CAMKMT: variants seen among roughly 807,000 people sequenced by gnomAD.
The protein encoded by CAMKMT is CaM KMT.
CAMKMT carries 53 observed loss-of-function variants against 48.0 expected under a neutral mutation model. That is an observed-to-expected ratio of 1.10 (90% CI 0.89 to 1.39). CAMKMT has a LOEUF of 1.39. Among genes scored for constraint, CAMKMT ranks in the 40% most tolerant of loss-of-function variants. The pLI is 0.00. For synonymous variants in CAMKMT, 165 were observed against 152.3 expected, an observed-to-expected ratio of 1.08 and a Z score of -0.61; for missense variants, 428 against 402.7, an observed-to-expected ratio of 1.06 and a Z score of -0.54.
chr2:44,690,700 G>A (rs972691885), intron 3 of CAMKMT, among the ~76,000 whole-genome samples: 2 of 152,196 alleles, frequency 1.3e-5, no homozygotes, highest in African/African-American at 4.8e-5. Context: ...TAATAGCTGG[G>A]TGTGGTGGCT....
chr2:44,759,889 A>T (rs1212138389), intron 9 of CAMKMT, among the ~76,000 whole-genome samples: 1 of 152,256 alleles, frequency 6.6e-6, no homozygotes, highest in Non-Finnish European at 1.5e-5. Flanking sequence ...AGGTAGAACT[A>T]TAGCAGACAA....
At chr2:44,395,042 A>C (rs1480079428) in intron 3 of CAMKMT, 1 of 443,762 alleles carries the variant, frequency 2.3e-6, no homozygotes, top group Non-Finnish European at 4.5e-6. Context: ...CTAGAGGAAA[A>C]AAAATTATAT....
intron 3 of CAMKMT, among the ~76,000 whole-genome samples, chr2:44,622,238 T>TA (rs1672238366): frequency 6.6e-6 from 1 of 152,222 alleles, no homozygotes; most frequent in Non-Finnish European, 1.5e-5. Flanking sequence ...AACTTCCACT[T>TA]ATTTATGTCT....
chr2:44,585,978 A>G (rs1432135414), intron 3 of CAMKMT, among the ~76,000 whole-genome samples: 1 of 152,246 alleles, frequency 6.6e-6, no homozygotes, highest in African/African-American at 2.4e-5. Flanking sequence ...ATTTTACACT[A>G]CAGGGAAGCT....
chr2:44,477,301 C>T (rs1357415155), intron 3 of CAMKMT, among the ~76,000 whole-genome samples: 2 of 152,174 alleles, frequency 1.3e-5, no homozygotes, highest in African/African-American at 2.4e-5. Context: ...TTGGGGTGTA[C>T]AGGTGTACCC....
chr2:44,760,760 G>C (rs565204680), intron 9 of CAMKMT, among the ~76,000 whole-genome samples: 9 of 152,240 alleles, frequency 5.9e-5, no homozygotes, highest in Admixed American at 5.9e-4. Context: ...TCTGCCCATA[G>C]CATAAAGGGT....
intron 7 of CAMKMT, among the ~76,000 whole-genome samples, chr2:44,728,323 G>A (rs1484821100): frequency 6.6e-6 from 1 of 152,144 alleles, no homozygotes; most frequent in Non-Finnish European, 1.5e-5. Context: ...CAATTTGCTA[G>A]TATTTTGTTG....
chr2:44,588,054 C>G (rs1669981581), intron 3 of CAMKMT, among the ~76,000 whole-genome samples: 1 of 142,702 alleles, frequency 7.0e-6, no homozygotes, highest in African/African-American at 2.6e-5. Context: ...CCCCGCCGCC[C>G]ATCGTCTGAG....
chr2:44,726,083 G>GT (rs1394931860), intron 7 of CAMKMT, among the ~76,000 whole-genome samples: 1 of 152,132 alleles, frequency 6.6e-6, no homozygotes, highest in East Asian at 1.9e-4. Context: ...GTGAGAATAC[G>GT]TGGTATTTGG....
intron 3 of CAMKMT, among the ~76,000 whole-genome samples, chr2:44,488,868 TG>T (rs1669341925): frequency 2.7e-5 from 4 of 148,700 alleles, no homozygotes; most frequent in Non-Finnish European, 6.0e-5. Flanking sequence ...TGTGTGTGTG[TG>T]TGTGTGTGTT....
chr2:44,538,911 A>G (rs1412356047), intron 3 of CAMKMT, among the ~76,000 whole-genome samples: 1 of 150,560 alleles, frequency 6.6e-6, no homozygotes, highest in Non-Finnish European at 1.5e-5. Context: ...TGGTATACCA[A>G]TTATTTGCAT....
chr2:44,552,510 T>G (rs1667774103), intron 3 of CAMKMT, among the ~76,000 whole-genome samples: 1 of 152,046 alleles, frequency 6.6e-6, no homozygotes, highest in African/African-American at 2.4e-5. Flanking sequence ...GCAGATAGAG[T>G]CCTTTCATAC....
At chr2:44,550,458 G>T (rs1667646137) in intron 3 of CAMKMT, among the ~76,000 whole-genome samples, 1 of 151,890 alleles carries the variant, frequency 6.6e-6, no homozygotes, top group Non-Finnish European at 1.5e-5. Context: ...CATATAAAAT[G>T]CATATATGTA....
chr2:44,592,730 C>G (rs1670375225), intron 3 of CAMKMT, among the ~76,000 whole-genome samples: 2 of 152,182 alleles, frequency 1.3e-5, no homozygotes, highest in South Asian at 4.1e-4. Context: ...TCCACTAGGA[C>G]CTTGGCTTGT....
chr2:44,696,338 T>G (rs1163308534), intron 3 of CAMKMT, among the ~76,000 whole-genome samples: 2 of 152,208 alleles, frequency 1.3e-5, no homozygotes, highest in Non-Finnish European at 2.9e-5. Context: ...GACTTTAATA[T>G]CTGCAAATTT....
intron 3 of CAMKMT, among the ~76,000 whole-genome samples, chr2:44,427,038 G>T (rs1028488392): frequency 1.3e-5 from 2 of 151,920 alleles, no homozygotes; most frequent in African/African-American, 4.8e-5. Context: ...ACCAACTGAT[G>T]TTCTACAATG....
intron 3 of CAMKMT, among the ~76,000 whole-genome samples, chr2:44,425,937 G>C (rs948905726): frequency 6.6e-6 from 1 of 152,052 alleles, no homozygotes; most frequent in Non-Finnish European, 1.5e-5. Context: ...CACCATGTTG[G>C]TCAGGCTGGT....
intron 3 of CAMKMT, among the ~76,000 whole-genome samples, chr2:44,620,615 C>T (rs561230918): frequency 6.6e-6 from 1 of 152,200 alleles, no homozygotes; most frequent in Non-Finnish European, 1.5e-5. Flanking sequence ...TGGCCTCTAG[C>T]CAATTTCATC....
intron 3 of CAMKMT, among the ~76,000 whole-genome samples, chr2:44,504,776 T>C (rs1226879463): frequency 6.6e-6 from 1 of 152,248 alleles, no homozygotes; most frequent in Non-Finnish European, 1.5e-5. Flanking sequence ...TTTTGTGAAA[T>C]ACCTGTTCAG....
Sources: allele counts gnomAD v4.1 joint callset (sites outside exome capture counted in the v4.1 genomes callset), GRCh38; gene constraint gnomAD v4.1.1; transcripts MANE v1.5; gene names NCBI Gene and HGNC (gene_info 2026-07-23, HGNC 2026-07-21).